The following MMP26 variants were observed in gnomAD, a reference collection of about 807,000 sequenced individuals.
MMP26 encodes the protein matrix metallopeptidase 26, also known as matrix metalloproteinase-26.
A neutral mutation model predicts 31.0 loss-of-function variants in MMP26; 33 were observed. That is an observed-to-expected ratio of 1.06 (90% CI 0.81 to 1.42). MMP26 has a LOEUF of 1.42. Among genes scored for constraint, MMP26 ranks in the 40% most tolerant of loss-of-function variants. The pLI is 0.00. For missense variants in MMP26, 347 were observed against 316.1 expected, an observed-to-expected ratio of 1.10 and a Z score of -0.74; for synonymous variants, 122 against 114.9, an observed-to-expected ratio of 1.06 and a Z score of -0.40.
intron 1 of MMP26, chr11:4,724,119 TG>T (rs1848062844): frequency 3.2e-6 from 2 of 627,304 alleles, no homozygotes; most frequent in Non-Finnish European, 5.7e-6. Context: ...GCTGAAGTCC[TG>T]GGGGGCTAGA....
intron 2 of MMP26, chr11:4,913,540 T>C (rs1358625049): frequency 2.6e-5 from 4 of 152,182 alleles, no homozygotes; most frequent in Admixed American, 2.6e-4. Context: ...TTACTCAAAA[T>C]ATAACTTTTA....
intron 1 of MMP26, among the ~76,000 whole-genome samples, chr11:4,745,830 C>T (rs934086223): frequency 1.3e-5 from 2 of 152,158 alleles, no homozygotes; most frequent in African/African-American, 2.4e-5. Flanking sequence ...TTGCCTTTTC[C>T]AGGATGTCAT....
chr11:4,717,064 T>A (rs1847943222), intron 1 of MMP26, among the ~76,000 whole-genome samples: 1 of 152,208 alleles, frequency 6.6e-6, no homozygotes. Flanking sequence ...ATGCTTAGAA[T>A]TTCTTTCATG....
chr11:4,893,589 C>A (rs1387594440), intron 2 of MMP26, among the ~76,000 whole-genome samples: 1 of 152,168 alleles, frequency 6.6e-6, no homozygotes, highest in Non-Finnish European at 1.5e-5. Context: ...CGATTCATTT[C>A]TCTTAAGCAG....
In MMP26 at chr11:4,992,397, C is replaced by G; in HGVS notation, c.*155C>G. The G allele has an allele frequency of 1.5e-6, 1 of 654,488 alleles. No homozygotes were observed. Among genetic ancestry groups the G allele is most frequent in the Non-Finnish European group, 2.7e-6 (1 of 373,316 alleles). The allele number at this position is 654,488 out of a possible 1,614,324, so 40.5% of individuals were successfully genotyped here. A position where few individuals can be genotyped will look rare whatever the true frequency, so the allele number is the denominator to read the frequency against. Reference sequence around the variant, plus strand: ...AGCTGAACCGACACTCAAAACGCTACTGAGTCACAATAAAGATTGTTTTAA... The same window carrying G: ...AGCTGAACCGACACTCAAAACGCTAGTGAGTCACAATAAAGATTGTTTTAA... On this transcript the variant is annotated 3_prime_UTR_variant, in exon 8 of 8. Coordinates refer to ENST00000380390, the MANE Select transcript of MMP26 (RefSeq NM_021801.5).
At chr11:4,746,539 A>T (rs1011261509) in intron 1 of MMP26, among the ~76,000 whole-genome samples, 3 of 152,140 alleles carry the variant, frequency 2.0e-5, no homozygotes, top group African/African-American at 7.2e-5. Flanking sequence ...TTAAAGATGA[A>T]TAAGAATATA....
intron 2 of MMP26, chr11:4,882,906 G>A (rs1219071758): frequency 6.3e-6 from 10 of 1,579,072 alleles, no homozygotes; most frequent in South Asian, 4.5e-5. Flanking sequence ...GTCAGGACAC[G>A]AATTATGCTT....
chr11:4,804,806 C>CCAAA (rs369315261), intron 2 of MMP26, among the ~76,000 whole-genome samples: 108 of 146,100 alleles, frequency 7.4e-4, no homozygotes, highest in South Asian at 1.1e-3. Context: ...CAAAACAAAA[C>CCAAA]AAAAAAAAAC....
chr11:4,788,949 T>C (rs1848984484), intron 2 of MMP26, among the ~76,000 whole-genome samples: 1 of 152,156 alleles, frequency 6.6e-6, no homozygotes, highest in African/African-American at 2.4e-5. Context: ...TTTGCCCTGG[T>C]ATTACCTAAC....
At chr11:4,725,343 A>G (rs988804249) in intron 1 of MMP26, among the ~76,000 whole-genome samples, 4 of 152,192 alleles carry the variant, frequency 2.6e-5, no homozygotes, top group Non-Finnish European at 4.4e-5. Flanking sequence ...CTGCATGCCC[A>G]AAGAGGAAAT....
At chr11:4,945,451 T>G (rs1564812079) in intron 2 of MMP26, 1 of 152,738 alleles carries the variant, frequency 6.5e-6, no homozygotes, top group Admixed American at 6.5e-5. Flanking sequence ...ATGTTCCTTA[T>G]TGATTTAACT....
chr11:4,964,159 C>T (rs773757562), intron 2 of MMP26, among the ~76,000 whole-genome samples: 1 of 151,756 alleles, frequency 6.6e-6, no homozygotes, highest in Non-Finnish European at 1.5e-5. Flanking sequence ...AATTGCTTTT[C>T]GTATCTTTGT....
chr11:4,790,497 C>A (rs1042865300), intron 2 of MMP26, among the ~76,000 whole-genome samples: 5 of 152,146 alleles, frequency 3.3e-5, no homozygotes, highest in African/African-American at 4.8e-5. Flanking sequence ...TAGAAATGGG[C>A]CTCTCAGTCC....
chr11:4,707,763 G>C (rs977597606), intron 1 of MMP26, among the ~76,000 whole-genome samples: 2 of 152,034 alleles, frequency 1.3e-5, no homozygotes, highest in African/African-American at 4.8e-5. Flanking sequence ...TAAGCACTGG[G>C]GTTTATCACT....
chr11:4,737,317 AT>A (rs1401868639), intron 1 of MMP26, among the ~76,000 whole-genome samples: 5 of 151,900 alleles, frequency 3.3e-5, no homozygotes, highest in African/African-American at 1.2e-4. Flanking sequence ...TTGTTTCCTG[AT>A]TCACAATACA....
At chr11:4,814,456 G>A (rs1849394337) in intron 2 of MMP26, among the ~76,000 whole-genome samples, 1 of 152,128 alleles carries the variant, frequency 6.6e-6, no homozygotes, top group Non-Finnish European at 1.5e-5. Context: ...TAGAATAGTA[G>A]TGTGGAAGTA....
chr11:4,805,614 G>T (rs1425949727), intron 2 of MMP26, among the ~76,000 whole-genome samples: 1 of 152,144 alleles, frequency 6.6e-6, no homozygotes, highest in Non-Finnish European at 1.5e-5. Flanking sequence ...TCTGTGCTTG[G>T]TGCAGAGTAG....
At chr11:4,813,794 A>G (rs181723320) in intron 2 of MMP26, among the ~76,000 whole-genome samples, 2 of 152,216 alleles carry the variant, frequency 1.3e-5, no homozygotes, top group East Asian at 3.9e-4. Context: ...GCCACAATAT[A>G]AAAGAAGATC....
At chr11:4,815,601 G>T (rs1159031311) in intron 2 of MMP26, among the ~76,000 whole-genome samples, 1 of 151,974 alleles carries the variant, frequency 6.6e-6, no homozygotes, top group East Asian at 1.9e-4. Flanking sequence ...TTTTAGACAG[G>T]GAACACAGCA....
Sources: gnomAD v4.1 joint callset for allele counts (sites outside exome capture counted in the v4.1 genomes callset) on GRCh38, gnomAD v4.1.1 for gene constraint, MANE v1.5 for transcripts, NCBI Gene and HGNC (gene_info 2026-07-23, HGNC 2026-07-21) for gene names.